The following ZNF354A variants were observed in gnomAD, a reference collection of about 807,000 sequenced individuals.
ZNF354A encodes the protein epididymis luminal protein 104.
ZNF354A carries 25 observed loss-of-function variants against 53.3 expected under a neutral mutation model. That is an observed-to-expected ratio of 0.47 (90% CI 0.34 to 0.66). The LOEUF (loss-of-function observed/expected upper bound fraction) is 0.66. Among genes scored for constraint, ZNF354A ranks in the 30% least tolerant of loss-of-function variants. ZNF354A has a pLI of 0.01. For synonymous variants in ZNF354A, 228 were observed against 249.0 expected, an observed-to-expected ratio of 0.92 and a Z score of 0.79; for missense variants, 586 against 716.8, an observed-to-expected ratio of 0.82 and a Z score of 2.08.
At chr5:178,724,135 C>T (rs1765860853) in intron 4 of ZNF354A, among the ~76,000 whole-genome samples, 1 of 152,084 alleles carries the variant, frequency 6.6e-6, no homozygotes, top group Non-Finnish European at 1.5e-5. Context: ...GCGCCGCCTC[C>T]TCCCTCACGA....
intron 4 of ZNF354A, 120 bp downstream of exon 4, chr5:178,725,256 T>A (rs529055497): frequency 2.1e-6 from 2 of 946,000 alleles, no homozygotes; most frequent in East Asian, 4.8e-5. Flanking sequence ...GGCTTCCGCT[T>A]CCCCATCACT....
At chr5:178,727,562 GT>G (rs1765934901) in intron 2 of ZNF354A, among the ~76,000 whole-genome samples, 1 of 152,144 alleles carries the variant, frequency 6.6e-6, no homozygotes, top group Non-Finnish European at 1.5e-5. Context: ...TGGAGGTTAG[GT>G]TAAGCAACTG....
Position 178,712,263 on chromosome 5 carries a change from G to T in ZNF354A, c.1615C>A (p.Gln539Lys). The change falls in exon 5 of 5, where the codon CAG becomes AAG. Residue 539 changes from glutamine (Q) to lysine (K), a missense_variant. Physicochemically the swap from Gln to Lys is moderately conservative, Grantham distance 53. This residue lies in a region of ZNF354A where 573 missense variants were observed against 680.1 expected (regional missense o/e 0.84). Transcript: ENST00000335815. ...ISFGQSSALI[Q>K]HRRIHTGEKP... ...TCTCCTGTATGAATCCTTCGATGCT[G>T]AATAAGAGCTGAACTTTGGCCAAAA... The T allele has an allele frequency of 6.2e-7, 1 of 1,614,034 alleles. No individual in the cohort carries two copies. The highest frequency in any genetic ancestry group is 1.1e-5 in the South Asian group (1 of 91,072).
intron 4 of ZNF354A, among the ~76,000 whole-genome samples, chr5:178,719,881 A>G (rs2113875037): frequency 6.6e-6 from 1 of 151,290 alleles, no homozygotes; most frequent in Non-Finnish European, 1.5e-5. Context: ...CGGGAGGCGG[A>G]GCTTGCAGTG....
chr5:178,724,053 C>T (rs901468242), intron 4 of ZNF354A, among the ~76,000 whole-genome samples: 27 of 152,038 alleles, frequency 1.8e-4, no homozygotes, highest in Admixed American at 2.6e-4. Flanking sequence ...GGGTTCCCCA[C>T]CTGACGACTT....
At position 178,712,017 on chromosome 5, in the gene ZNF354A, G is replaced by A. The variant is rs1436730956; in HGVS notation, c.*43C>T. Reference sequence around the variant, plus strand: ...CATCTCTCTCAAGGATGTATTCTTCGATGAGCTTTGGTTTAAGGCTTTCAC... The same window carrying A: ...CATCTCTCTCAAGGATGTATTCTTCAATGAGCTTTGGTTTAAGGCTTTCAC... On this transcript the variant is annotated 3_prime_UTR_variant, in exon 5 of 5. Coordinates refer to ENST00000335815, the MANE Select transcript of ZNF354A (RefSeq NM_005649.3). 4.6e-6 allele frequency: 7 copies of A among 1,521,776 alleles called. No homozygotes were observed. The highest frequency in any genetic ancestry group is 2.7e-5 in the South Asian group (2 of 73,906). 94.3% of individuals were successfully genotyped at this position (1,521,776 alleles called of 1,614,324 possible).
At chr5:178,720,685 T>G (rs1765797354) in intron 4 of ZNF354A, among the ~76,000 whole-genome samples, 1 of 152,202 alleles carries the variant, frequency 6.6e-6, no homozygotes, top group Non-Finnish European at 1.5e-5. Context: ...ACGAAGCTTG[T>G]GGTACTTCAG....
At position 178,712,662 on chromosome 5, in the gene ZNF354A, C is replaced by T. The variant is rs773678981; in HGVS notation, c.1216G>A (p.Gly406Arg). The T allele has an allele frequency of 1.5e-5, 25 of 1,613,798 alleles. No individual in the cohort carries two copies. Among genetic ancestry groups the T allele is most frequent in the South Asian group, 3.3e-5 (3 of 91,060 alleles). ...SLIQHERIHT[G>R]EKPYRCNECG... ...TCATTGCATCTATAGGGCTTTTCTCCGGTGTGAATTCTTTCATGTTGAATA... is the reference window on the plus strand; with the variant it reads ...TCATTGCATCTATAGGGCTTTTCTCTGGTGTGAATTCTTTCATGTTGAATA... The change falls in exon 5 of 5, where the codon GGA (glycine) becomes AGA (arginine). Residue 406 changes from glycine (G) to arginine (R), a missense_variant. Physicochemically the swap from Gly to Arg is moderately radical, Grantham distance 125. This residue lies in a region of ZNF354A where 573 missense variants were observed against 680.1 expected (regional missense o/e 0.84). Coordinates refer to ENST00000335815, the MANE Select transcript of ZNF354A (RefSeq NM_005649.3).
In ZNF354A at chr5:178,713,277, G is replaced by A; in HGVS notation, c.601C>T (p.Gln201Ter). 1.2e-6 allele frequency: 2 copies of A among 1,614,106 alleles called. No homozygotes were observed. Among genetic ancestry groups the A allele is most frequent in the Non-Finnish European group, 1.7e-6 (2 of 1,180,012 alleles). Residue 201 changes from glutamine (Q) to a stop codon, truncating the protein, a stop_gained, in exon 5 of 5, where the codon CAA (glutamine) becomes TAA (stop). Transcript: ENST00000335815. LOFTEE classifies it high-confidence loss of function. ...GTAATTTTTGGTTGATTAAGTAATT[G>A]TGAATTCTGTTTGAGGCTGTTTCCT... ...IQGNSLKQNS[Q>*]LLNQPKITAD...
chr5:178,717,522 G>A (rs1351768436), intron 4 of ZNF354A, among the ~76,000 whole-genome samples: 2 of 152,112 alleles, frequency 1.3e-5, no homozygotes, highest in Admixed American at 6.5e-5. Flanking sequence ...AAGGCTAGAA[G>A]GGGAAGACCA....
intron 2 of ZNF354A, among the ~76,000 whole-genome samples, chr5:178,728,410 T>C (rs114536740): frequency 0.01 from 1,597 of 152,222 alleles, 15 homozygotes; most frequent in Non-Finnish European, 0.018. Context: ...ATATATATTT[T>C]GCCACAATAA....
At position 178,712,112 on chromosome 5, in the gene ZNF354A, T is replaced by C. The variant is rs781769046; in HGVS notation, c.1766A>G (p.His589Arg). Reference sequence around the variant, plus strand: ...ATAATGATTAGTAAGGGATGACCTATGGTTGAAAAGTTTCCCACATGTATT... The same window carrying C: ...ATAATGATTAGTAAGGGATGACCTACGGTTGAAAAGTTTCCCACATGTATT... ...ECNTCGKLFN[H>R]RSSLTNHYKI... Residue 589 changes from histidine to arginine, a missense_variant, in exon 5 of 5, where the codon CAT becomes CGT. Physicochemically the swap from His to Arg is conservative, Grantham distance 29 (BLOSUM62 0). This residue lies in a region of ZNF354A where 573 missense variants were observed against 680.1 expected (regional missense o/e 0.84). Coordinates refer to ENST00000335815, the MANE Select transcript of ZNF354A (RefSeq NM_005649.3). 8 of 1,612,880 alleles carry C rather than the reference T, an allele frequency of 5.0e-6. No homozygotes were observed. Among genetic ancestry groups the C allele is most frequent in the Non-Finnish European group, 5.9e-6 (7 of 1,179,308 alleles).
intron 4 of ZNF354A, among the ~76,000 whole-genome samples, chr5:178,719,774 C>T (rs1218712067): frequency 6.6e-6 from 1 of 151,876 alleles, no homozygotes; most frequent in Non-Finnish European, 1.5e-5. Context: ...GGTGAAACCC[C>T]GTCTCTACTA....
At chr5:178,717,908 A>T (rs1765743714) in intron 4 of ZNF354A, among the ~76,000 whole-genome samples, 1 of 152,210 alleles carries the variant, frequency 6.6e-6, no homozygotes, top group Non-Finnish European at 1.5e-5. Context: ...GGATTTAATA[A>T]CAGAGCTATC....
At position 178,713,471 on chromosome 5, in the gene ZNF354A, T is replaced by C. The variant is rs764525393; in HGVS notation, c.407A>G (p.Gln136Arg). The change falls in exon 5 of 5, where the codon CAG becomes CGG. Residue 136 changes from glutamine to arginine, a missense_variant. Gln to Arg is a conservative substitution (Grantham distance 43). Transcript: ENST00000335815. ...TATCTGAAAACTTCCCTTTTTATCC[T>C]GCTTTTTCTCTAATCTGCCTTCATA... ...YIYEGRLEKK[Q>R]DKKGSFQIVS... 1 of 1,613,818 alleles carries C rather than the reference T, an allele frequency of 6.2e-7. No homozygotes were observed. The highest frequency in any genetic ancestry group is 1.3e-5 in the African/African-American group (1 of 74,918).
intron 3 of ZNF354A, chr5:178,726,257 A>G: frequency 2.2e-6 from 1 of 455,682 alleles, no homozygotes; most frequent in Non-Finnish European, 4.4e-6. Context: ...AAAAAAAAAG[A>G]GAAATATGTT....
In ZNF354A at chr5:178,730,654, G is replaced by A. The variant is rs553866685; in HGVS notation, c.-150C>T. 24 of 152,016 alleles carry A rather than the reference G, an allele frequency of 1.6e-4. No individual in the cohort carries two copies. Among genetic ancestry groups the A allele is most frequent in the Admixed American group, 1.5e-3 (23 of 15,276 alleles). 9.4% of individuals were successfully genotyped at this position (152,016 alleles called of 1,614,324 possible). On this transcript the variant is annotated 5_prime_UTR_variant, in exon 1 of 5. Transcript: ENST00000335815. ...CTCGCGACCCGGCTCCGCCCCGACG[G>A]CGTCTGGGCGACCTCAGGCCCGGCG...
intron 4 of ZNF354A, among the ~76,000 whole-genome samples, chr5:178,725,065 C>T (rs1161685254): frequency 3.9e-5 from 6 of 152,244 alleles, no homozygotes; most frequent in Non-Finnish European, 8.8e-5. Flanking sequence ...TTTCCTTCCT[C>T]ACCTCCTCCT....
rs376802293 is a variant in ZNF354A at position 178,721,227 on chromosome 5, C to T, written c.256+4149G>A. Among the ~76,000 whole-genome samples the T allele has an allele frequency of 2.3e-4, 35 of 152,058 alleles. No homozygotes were observed. In the South Asian group the frequency reaches 6.0e-3, roughly 26 times the overall value. On this transcript the variant is annotated intron_variant, in intron 4 of 4. Transcript: ENST00000335815. ...TATGTTCTGAGATACGCGTTGTTGG[C>T]GATGTTGTGCAGTCATCAGAGTGTG...
Sources: allele counts gnomAD v4.1 joint callset (sites outside exome capture counted in the v4.1 genomes callset), GRCh38; gene constraint gnomAD v4.1.1; regional missense constraint gnomAD v4.1.1; transcripts MANE v1.5; gene names NCBI Gene and HGNC (gene_info 2026-07-23, HGNC 2026-07-21).